The following PDE3B variants were observed in gnomAD, a reference collection of about 807,000 sequenced individuals.
The protein encoded by PDE3B is phosphodiesterase 3B.
In PDE3B, 66 loss-of-function variants were observed where a neutral mutation model predicts 116.8. That is an observed-to-expected ratio of 0.56 (90% CI 0.46 to 0.69). The LOEUF is 0.69. PDE3B is among the 30% of genes least tolerant of loss of function. The pLI, the probability that PDE3B is intolerant of heterozygous loss-of-function variation, is 0.00. For synonymous variants in PDE3B, 595 were observed against 533.6 expected (o/e 1.12, Z -1.59); for missense variants, 1,384 against 1,368.1 (o/e 1.01, Z -0.18).
intron 11 of PDE3B, among the ~76,000 whole-genome samples, chr11:14,841,488 T>C (rs530881372): frequency 4.0e-5 from 6 of 150,340 alleles, no homozygotes; most frequent in African/African-American, 1.5e-4. Context: ...AATGATCTCT[T>C]ATCTTATAGC....
At chr11:14,852,218 G>C (rs527675332) in intron 12 of PDE3B, among the ~76,000 whole-genome samples, 3 of 151,996 alleles carry the variant, frequency 2.0e-5, no homozygotes, top group Non-Finnish European at 4.4e-5. Context: ...CACCATGCCC[G>C]GCTAATTTTT....
At chr11:14,830,911 A>G in intron 8 of PDE3B, 65 bp downstream of exon 8, 1 of 1,105,264 alleles carries the variant, frequency 9.0e-7, no homozygotes, top group Non-Finnish European at 1.2e-6. Flanking sequence ...TACTGGTTTC[A>G]TTACTTTTGC....
chr11:14,842,655 G>A (rs1329482973), intron 11 of PDE3B, among the ~76,000 whole-genome samples: 1 of 152,154 alleles, frequency 6.6e-6, no homozygotes, highest in Non-Finnish European at 1.5e-5. Context: ...CAGGTCAATT[G>A]AGATGAGGAA....
downstream of PDE3B, among the ~76,000 whole-genome samples, chr11:14,877,038 G>A (rs1446205459): frequency 6.6e-6 from 1 of 152,082 alleles, no homozygotes; most frequent in Non-Finnish European, 1.5e-5. Context: ...AAGTCATTGT[G>A]TGCACTGACT....
intron 1 of PDE3B, among the ~76,000 whole-genome samples, chr11:14,666,353 C>T (rs1189955211): frequency 3.2e-4 from 48 of 151,646 alleles, no homozygotes; most frequent in Admixed American, 5.3e-4. Flanking sequence ...TAGGCATTAC[C>T]GTTCAGGACA....
chr11:14,688,113 T>TCTCTCTC (rs1854931993), intron 1 of PDE3B, among the ~76,000 whole-genome samples: 10 of 109,872 alleles, frequency 9.1e-5, no homozygotes, highest in South Asian at 3.3e-4. Context: ...CTCTCTCTCT[T>TCTCTCTC]TCTCTCTCTC....
chr11:14,894,088 G>A, the PDE3B span, among the ~76,000 whole-genome samples: 3 of 152,120 alleles, frequency 2.0e-5, no homozygotes, highest in African/African-American at 7.2e-5. Context: ...TGTTTAACTG[G>A]CTTGTGACTA....
chr11:14,791,018 T>G (rs1858368062), intron 4 of PDE3B, among the ~76,000 whole-genome samples: 1 of 152,170 alleles, frequency 6.6e-6, no homozygotes, highest in Admixed American at 6.6e-5. Flanking sequence ...ATTTGAAATG[T>G]GTCTAGCATG....
chr11:14,781,070 T>G (rs1194269695), intron 2 of PDE3B, among the ~76,000 whole-genome samples: 1 of 152,052 alleles, frequency 6.6e-6, no homozygotes, highest in Non-Finnish European at 1.5e-5. Context: ...CTAGAAGAAA[T>G]GGATAAATTC....
At chr11:14,685,473 T>TTA (rs1565091424) in intron 1 of PDE3B, among the ~76,000 whole-genome samples, 1 of 146,900 alleles carries the variant, frequency 6.8e-6, no homozygotes, top group Non-Finnish European at 1.5e-5. Flanking sequence ...TTTTTTTTTT[T>TTA]AAGACAGAGT....
chr11:14,700,291 A>G (rs575873120), intron 1 of PDE3B, among the ~76,000 whole-genome samples: 3 of 151,890 alleles, frequency 2.0e-5, no homozygotes, highest in African/African-American at 4.8e-5. Context: ...ATGCTGAATA[A>G]CAAAAGTCTA....
intron 1 of PDE3B, among the ~76,000 whole-genome samples, chr11:14,655,642 C>G (rs537966028): frequency 6.6e-6 from 1 of 152,034 alleles, no homozygotes; most frequent in Non-Finnish European, 1.5e-5. Context: ...GTGTTCCAGT[C>G]GAGCACCTCA....
At chr11:14,715,330 G>A (rs937276027) in intron 1 of PDE3B, among the ~76,000 whole-genome samples, 3 of 152,000 alleles carry the variant, frequency 2.0e-5, no homozygotes, top group East Asian at 3.9e-4. Flanking sequence ...GATGGCATTG[G>A]ATCTATAAAT....
chr11:14,700,196 G>T (rs375463939), intron 1 of PDE3B, among the ~76,000 whole-genome samples: 2 of 151,574 alleles, frequency 1.3e-5, no homozygotes, highest in African/African-American at 4.8e-5. Context: ...ATTTAGTAAG[G>T]TTAATTTTTA....
intron 1 of PDE3B, among the ~76,000 whole-genome samples, chr11:14,754,972 A>G (rs1051069414): frequency 1.3e-5 from 2 of 152,122 alleles, no homozygotes; most frequent in South Asian, 4.1e-4. Flanking sequence ...TTTTGAGCTC[A>G]GGACTGAGAT....
intron 1 of PDE3B, among the ~76,000 whole-genome samples, chr11:14,761,792 T>C (rs1193548486): frequency 6.6e-6 from 1 of 152,158 alleles, no homozygotes; most frequent in Admixed American, 6.6e-5. Flanking sequence ...TGCCTAACAG[T>C]GTCAAATGTA....
chr11:14,675,463 T>C (rs531780220), intron 1 of PDE3B, among the ~76,000 whole-genome samples: 146 of 152,294 alleles, frequency 9.6e-4, no homozygotes, highest in African/African-American at 3.5e-3. Context: ...TATACACTTA[T>C]GTAATCATGA....
chr11:14,657,373 G>A (rs1287311925), intron 1 of PDE3B, among the ~76,000 whole-genome samples: 1 of 152,164 alleles, frequency 6.6e-6, no homozygotes, highest in Non-Finnish European at 1.5e-5. Context: ...ACTCCAGTCA[G>A]TATTAGTCAC....
chr11:14,660,825 AAGG>A (rs1479818432), intron 1 of PDE3B, among the ~76,000 whole-genome samples: 14 of 152,210 alleles, frequency 9.2e-5, no homozygotes, highest in African/African-American at 3.4e-4. Context: ...AATAGCAAGA[AAGG>A]AGAATGTAAG....
Sources: allele counts gnomAD v4.1 joint callset (sites outside exome capture counted in the v4.1 genomes callset), GRCh38; gene constraint gnomAD v4.1.1; transcripts MANE v1.5; gene names NCBI Gene and HGNC (gene_info 2026-07-23, HGNC 2026-07-21).